ALK: variants seen among roughly 807,000 people sequenced by gnomAD.
ALK encodes the protein ALK tyrosine kinase receptor.
In ALK, 74 loss-of-function variants were observed where a neutral mutation model predicts 163.1. The ratio of observed to expected loss-of-function variants is 0.45; its 90% confidence interval spans 0.38 to 0.55. The LOEUF (loss-of-function observed/expected upper bound fraction) is 0.55, where lower values mean the gene tolerates loss of function less well. ALK is among the 20% of genes least tolerant of loss of function. ALK has a pLI of 0.00. For missense variants in ALK, 2,063 were observed against 2,105.3 expected, an observed-to-expected ratio of 0.98 and a Z score of 0.39; for synonymous variants, 960 against 843.2, an observed-to-expected ratio of 1.14 and a Z score of -2.40.
At chr2:29,284,568 C>A (rs757873325) in intron 9 of ALK, among the ~76,000 whole-genome samples, 25 of 152,186 alleles carry the variant, frequency 1.6e-4, no homozygotes, top group Non-Finnish European at 2.9e-4. Context: ...CACTTAGTGC[C>A]ATTTTGAGCA....
chr2:29,837,717 A>AGT (rs1665596600), intron 1 of ALK, among the ~76,000 whole-genome samples: 1 of 152,248 alleles, frequency 6.6e-6, no homozygotes, highest in African/African-American at 2.4e-5. Flanking sequence ...ATTGCCTGCC[A>AGT]GAACAAAATT....
chr2:29,533,181 C>T (rs1488856469), intron 3 of ALK, among the ~76,000 whole-genome samples: 1 of 152,172 alleles, frequency 6.6e-6, no homozygotes. Context: ...TGAGCTGGAT[C>T]GAGAACGTGA....
At chr2:29,787,962 G>A (rs1664086116) in intron 1 of ALK, among the ~76,000 whole-genome samples, 1 of 152,190 alleles carries the variant, frequency 6.6e-6, no homozygotes, top group South Asian at 2.1e-4. Context: ...GTTAGGTGTG[G>A]CACATAGACA....
chr2:29,546,131 T>C (rs1202855012), intron 3 of ALK, among the ~76,000 whole-genome samples: 2 of 152,216 alleles, frequency 1.3e-5, no homozygotes, highest in Non-Finnish European at 2.9e-5. Flanking sequence ...GGAGTACGTT[T>C]TTATATATTC....
At position 29,726,644 on chromosome 2, in the gene ALK, C is replaced by T. The variant is rs568912443; in HGVS notation, c.668-8947G>A. On this transcript the variant is annotated intron_variant, in intron 1 of 28. Coordinates refer to ENST00000389048, the MANE Select transcript of ALK (RefSeq NM_004304.5). ...GGAAGTAACGGTTACCAGGATGACT[C>T]CTGAAATCATGCAGTGAGTGCCCTG... 7.2e-5 allele frequency among the ~76,000 whole-genome samples: 11 copies of T among 152,248 alleles called. No individual in the cohort carries two copies. The South Asian group carries it at 2.3e-3, about 32-fold the overall frequency.
intron 1 of ALK, among the ~76,000 whole-genome samples, chr2:29,836,215 T>C (rs1665554982): frequency 1.3e-5 from 2 of 152,116 alleles, no homozygotes; most frequent in Non-Finnish European, 2.9e-5. Flanking sequence ...ACCTAGACAA[T>C]CAAAATAGCA....
At chr2:29,633,803 T>C (rs1035610938) in intron 3 of ALK, among the ~76,000 whole-genome samples, 9 of 152,248 alleles carry the variant, frequency 5.9e-5, no homozygotes, top group African/African-American at 2.2e-4. Context: ...CACGTATACA[T>C]TTAACAACAT....
At chr2:29,528,250 A>T (rs11691898) in intron 4 of ALK, among the ~76,000 whole-genome samples, 141,512 of 152,182 alleles carry the variant, frequency 0.93, 66,572 homozygotes, top group East Asian at 1. Flanking sequence ...GAAACAAGAC[A>T]CGAGGTGGCC....
chr2:29,665,582 G>A (rs555117909), intron 3 of ALK, among the ~76,000 whole-genome samples: 14 of 151,862 alleles, frequency 9.2e-5, no homozygotes, highest in African/African-American at 1.5e-4. Context: ...AGTTCTTGGT[G>A]GGCTCCCAGG....
At chr2:29,448,285 C>T (rs1347572110) in intron 4 of ALK, among the ~76,000 whole-genome samples, 1 of 152,192 alleles carries the variant, frequency 6.6e-6, no homozygotes, top group Non-Finnish European at 1.5e-5. Context: ...CTGCAGCCCA[C>T]AGACTTAATA....
chr2:29,900,229 GAAGAGAA>G (rs1046122990), intron 1 of ALK, among the ~76,000 whole-genome samples: 2 of 152,214 alleles, frequency 1.3e-5, no homozygotes, highest in African/African-American at 4.8e-5. Flanking sequence ...GATCTCAGGG[GAAGAGAA>G]AAGAGAGTAG....
chr2:29,724,623 C>T (rs568001364), intron 1 of ALK, among the ~76,000 whole-genome samples: 65 of 152,322 alleles, frequency 4.3e-4, no homozygotes, highest in Admixed American at 1.2e-3. Flanking sequence ...TTTGCAGATG[C>T]ACCATTTGTC....
At chr2:29,732,175 C>T (rs1241825511) in intron 1 of ALK, among the ~76,000 whole-genome samples, 1 of 152,192 alleles carries the variant, frequency 6.6e-6, no homozygotes, top group East Asian at 1.9e-4. Context: ...AGCCTCATAG[C>T]ATGAGATTTT....
At chr2:29,752,818 C>G (rs1680410925) in intron 1 of ALK, among the ~76,000 whole-genome samples, 1 of 152,128 alleles carries the variant, frequency 6.6e-6, no homozygotes, top group African/African-American at 2.4e-5. Context: ...TCATCTGAGC[C>G]AGCTCTGCCA....
At chr2:29,445,018 C>G (rs920233356) in intron 4 of ALK, among the ~76,000 whole-genome samples, 2 of 152,148 alleles carry the variant, frequency 1.3e-5, no homozygotes, top group Non-Finnish European at 2.9e-5. Flanking sequence ...GATAAAGGAG[C>G]CAGGATTTGA....
chr2:29,724,419 G>A (rs547191451), intron 1 of ALK, among the ~76,000 whole-genome samples: 40 of 152,326 alleles, frequency 2.6e-4, no homozygotes, highest in African/African-American at 9.6e-4. Context: ...ACAGCTCTCA[G>A]AGAGTACAGG....
intron 1 of ALK, among the ~76,000 whole-genome samples, chr2:29,729,636 C>T (rs1679680695): frequency 6.6e-6 from 1 of 152,188 alleles, no homozygotes; most frequent in Admixed American, 6.5e-5. Context: ...TTGCAGCCTC[C>T]TCCCCAGTCC....
chr2:29,623,861 T>C (rs1314262612), intron 3 of ALK, among the ~76,000 whole-genome samples: 1 of 152,236 alleles, frequency 6.6e-6, no homozygotes, highest in Non-Finnish European at 1.5e-5. Context: ...AATTTTATAA[T>C]ATAGAAGTCT....
chr2:29,435,339 T>C (rs1322372697), intron 4 of ALK, among the ~76,000 whole-genome samples: 2 of 152,102 alleles, frequency 1.3e-5, no homozygotes, highest in African/African-American at 4.8e-5. Flanking sequence ...TTCAGCACCA[T>C]CCAGGTTGTT....
Sources: gnomAD v4.1 joint callset for allele counts (sites outside exome capture counted in the v4.1 genomes callset) on GRCh38, gnomAD v4.1.1 for gene constraint, MANE v1.5 for transcripts, NCBI Gene and HGNC (gene_info 2026-07-23, HGNC 2026-07-21) for gene names.